Variants in POU2F2 observed in about 807,000 individuals in gnomAD.
POU2F2 encodes POU class 2 homeobox 2, also known as POU domain, class 2, transcription factor 2.
POU2F2 carries 14 observed loss-of-function variants against 63.5 expected under a neutral mutation model. That is an observed-to-expected ratio of 0.22 (90% confidence interval 0.15 to 0.34). The LOEUF is 0.34. Ranked by LOEUF, POU2F2 falls within the 10% of genes least tolerant of loss-of-function variation. The pLI is 1.00. For missense variants in POU2F2, 607 were observed against 815.2 expected, an observed-to-expected ratio of 0.74 and a Z score of 3.11; for synonymous variants, 306 against 348.6, an observed-to-expected ratio of 0.88 and a Z score of 1.36.
Position 42,091,362 on chromosome 19 carries a change from G to A in POU2F2, c.1770C>T (p.Ser590=), listed in dbSNP as rs2076706090. 3 of 1,538,796 alleles carry A rather than the reference G, an allele frequency of 1.9e-6. No individual in the cohort carries two copies. Among genetic ancestry groups the A allele is most frequent in the Non-Finnish European group, 2.6e-6 (3 of 1,146,652 alleles). The change falls in exon 15 of 15, where the codon TCC becomes TCT. Residue 590 remains serine, a synonymous_variant. Coordinates refer to ENST00000692977, the MANE Select transcript of POU2F2 (RefSeq NM_001394376.1). ...SISSKSPGLS[S]SSSSSSSSSS... ...AGGAGGATGAGGATGAAGAGGATGA[G>A]GAGGAGAGGCCAGGAGACTTGCTGG... is the stretch of plus-strand genomic sequence containing the variant.
Position 42,165,729 on chromosome 19 carries a change from A to C in POU2F2, c.-69-5337T>G, listed in dbSNP as rs543297640. ...GCTGCCTCATTTTGCTGGTGTGAGA[A>C]GCCAACAAGACCGTGCTTATAGGGA... On this transcript the variant is annotated intron_variant, in intron 1 of 6. Transcript: ENST00000524801. Among the ~76,000 whole-genome samples the C allele has an allele frequency of 2.0e-5, 3 of 152,202 alleles. No homozygotes were observed. In the South Asian group the frequency reaches 6.2e-4, roughly 32 times the overall value.
chr19:42,095,484 G>T lies in POU2F2; in HGVS notation c.1021-22C>A. The T allele has an allele frequency of 6.2e-7, 1 of 1,608,760 alleles. No individual in the cohort carries two copies. The highest frequency in any genetic ancestry group is 2.2e-5 in the East Asian group (1 of 44,824). Reference sequence around the variant, plus strand: ...GGTTCTGCAGGCAGAGGGCTCGTTAGCCCGAGGCCCACCGCCCGCCACCCC... The same window carrying T: ...GGTTCTGCAGGCAGAGGGCTCGTTATCCCGAGGCCCACCGCCCGCCACCCC... On this transcript the variant is annotated intron_variant, in intron 10 of 14. Coordinates refer to ENST00000692977, the MANE Select transcript of POU2F2 (RefSeq NM_001394376.1). This position sits in a 1 kb window ranked among gnomAD's most constrained non-coding sequence, Gnocchi z 7.1.
upstream of POU2F2, among the ~76,000 whole-genome samples, chr19:42,180,914 G>C (rs2034953213): frequency 6.6e-6 from 1 of 150,678 alleles, no homozygotes; most frequent in Admixed American, 6.6e-5. Context: ...TTTTTAAGCA[G>C]AGATGAGGTC....
In POU2F2 at chr19:42,091,094, C is replaced by CTT. The variant is rs60030513; in HGVS notation, c.*161_*162dup. 633 of 360,168 alleles carry CTT rather than the reference C, an allele frequency of 1.8e-3. No homozygotes were observed. Among genetic ancestry groups the CTT allele is most frequent in the Middle Eastern group, 3.0e-3 (4 of 1,328 alleles). 22.3% of individuals were successfully genotyped at this position (360,168 alleles called of 1,614,324 possible). A position where few individuals can be genotyped will look rare whatever the true frequency, so the allele number is the denominator to read the frequency against. On this transcript the variant is annotated 3_prime_UTR_variant, in exon 15 of 15. Coordinates refer to ENST00000692977, the MANE Select transcript of POU2F2 (RefSeq NM_001394376.1). ...TCTCTTTTGTTGGTTAGTTTCTTTC[C>CTT]TTTTTTTTTTTTTTTTTGGTTGGTT...
At chr19:42,140,745 C>T (rs966405932) in intron 2 of POU2F2, among the ~76,000 whole-genome samples, 1 of 152,198 alleles carries the variant, frequency 6.6e-6, no homozygotes, top group East Asian at 1.9e-4. Flanking sequence ...AGACAGGTGT[C>T]CTTTTCTGTC....
At chr19:42,127,288 A>T (rs1338893654) in intron 1 of POU2F2, among the ~76,000 whole-genome samples, 1 of 151,926 alleles carries the variant, frequency 6.6e-6, no homozygotes, top group Non-Finnish European at 1.5e-5. Flanking sequence ...AGGCCTTGGC[A>T]TGGGCTGTTC....
At chr19:42,158,775 ATAAT>A (rs1356356969) in intron 2 of POU2F2, among the ~76,000 whole-genome samples, 1 of 152,250 alleles carries the variant, frequency 6.6e-6, no homozygotes, top group Non-Finnish European at 1.5e-5. Context: ...AACTGGAAAC[ATAAT>A]TAAACCCCTC....
chr19:42,163,858 G>A (rs955169028), intron 1 of POU2F2, among the ~76,000 whole-genome samples: 1 of 152,186 alleles, frequency 6.6e-6, no homozygotes, highest in African/African-American at 2.4e-5. Context: ...AAGAAGGACT[G>A]TAGAGTTGTT....
chr19:42,187,900 C>G (rs2035030893), intron 1 of POU2F2, among the ~76,000 whole-genome samples: 2 of 151,976 alleles, frequency 1.3e-5, no homozygotes, highest in South Asian at 4.1e-4. Context: ...CTAAGAGGTC[C>G]CAGTGACCCC....
At position 42,144,283 on chromosome 19, in the gene POU2F2, C is replaced by A. The variant is rs577025910; in HGVS notation, c.-9+16049G>T. ...ACTGCTGTGTCTCCAGCACCTGCAACCCAGGAGGTGCTTGGTATTGATTTA... is the reference window on the plus strand; with the variant it reads ...ACTGCTGTGTCTCCAGCACCTGCAAACCAGGAGGTGCTTGGTATTGATTTA... On this transcript the variant is annotated intron_variant, in intron 2 of 6. Transcript: ENST00000524801. Among the ~76,000 whole-genome samples the A allele has an allele frequency of 3.3e-5, 5 of 152,334 alleles. No individual in the cohort carries two copies. In the East Asian group the frequency reaches 9.6e-4, roughly 29 times the overall value.
intron 1 of POU2F2, among the ~76,000 whole-genome samples, chr19:42,175,224 C>T (rs777907374): frequency 1.3e-5 from 2 of 152,164 alleles, no homozygotes; most frequent in Non-Finnish European, 2.9e-5. Context: ...GGGGGTGGCA[C>T]TAGAACCCAG....
chr19:42,106,014 T>TC (rs1220446019), intron 5 of POU2F2, among the ~76,000 whole-genome samples: 4 of 146,150 alleles, frequency 2.7e-5, no homozygotes, highest in African/African-American at 1.1e-4. Context: ...TTTCTTTCTT[T>TC]CTTTCTTTCT....
At chr19:42,163,969 A>T (rs1047579646) in intron 1 of POU2F2, among the ~76,000 whole-genome samples, 2 of 152,194 alleles carry the variant, frequency 1.3e-5, no homozygotes, top group Non-Finnish European at 2.9e-5. Context: ...TGTTGTTAGG[A>T]AGAAGAAAAG....
At chr19:42,154,351 G>GA (rs1330054819) in intron 2 of POU2F2, among the ~76,000 whole-genome samples, 1 of 152,006 alleles carries the variant, frequency 6.6e-6, no homozygotes, top group East Asian at 1.9e-4. Flanking sequence ...GAAGATGAAA[G>GA]AGACTGGAAG....
intron 1 of POU2F2, among the ~76,000 whole-genome samples, chr19:42,195,326 T>TTTGC (rs1377346418): frequency 2.5e-4 from 36 of 146,592 alleles, no homozygotes; most frequent in African/African-American, 8.8e-4. Flanking sequence ...CCCTCCCTCT[T>TTTGC]TTTCTTTTTT....
chr19:42,099,609 G>C lies in POU2F2; in HGVS notation c.485C>G (p.Pro162Arg). 6.2e-7 allele frequency: 1 copy of C among 1,613,770 alleles called. No homozygotes were observed. Among genetic ancestry groups the C allele is most frequent in the Non-Finnish European group, 8.5e-7 (1 of 1,179,706 alleles). The part of the protein sequence containing the change: ...QAQQSQPGLL[P>R]TPNLFQLPQQ... Reference sequence around the variant, plus strand: ...AGGTAGCTGGAATAGATTTGGTGTCGGTAGCAGGCCTGGAAAGACAAGGGG... The same window carrying C: ...AGGTAGCTGGAATAGATTTGGTGTCCGTAGCAGGCCTGGAAAGACAAGGGG... The change falls in exon 7 of 15, where the codon CCG becomes CGG. Residue 162 changes from proline to arginine, a missense_variant. By Grantham distance (103) the Pro-to-Arg change is moderately radical. Transcript: ENST00000692977.
chr19:42,174,415 G>A lies in POU2F2; in HGVS notation c.-70+1548C>T, dbSNP rs561135324. Among the ~76,000 whole-genome samples, 21 of 152,304 alleles carry A rather than the reference G, an allele frequency of 1.4e-4. No homozygotes were observed. In the South Asian group the frequency reaches 2.3e-3, roughly 17 times the overall value. ...ACTCGGCACATGGGCCTGCACACGC[G>A]TGGACGGCTTCCACGCACAGAGCCA... On this transcript the variant is annotated intron_variant, in intron 1 of 6. Transcript: ENST00000524801.
At chr19:42,137,805 A>C (rs1162054411) in intron 2 of POU2F2, among the ~76,000 whole-genome samples, 1 of 152,204 alleles carries the variant, frequency 6.6e-6, no homozygotes, top group Non-Finnish European at 1.5e-5. Context: ...TTTACATAGC[A>C]ATTAGACACA....
chr19:42,171,050 C>T (rs2034754159), intron 1 of POU2F2, among the ~76,000 whole-genome samples: 3 of 152,264 alleles, frequency 2.0e-5, no homozygotes. Context: ...CAATGGAACC[C>T]TTTTGGAGTC....
Sources: allele counts gnomAD v4.1 joint callset (sites outside exome capture counted in the v4.1 genomes callset), GRCh38; gene constraint gnomAD v4.1.1; non-coding constraint Gnocchi (gnomAD v3.1); transcripts MANE v1.5; gene names NCBI Gene and HGNC (gene_info 2026-07-23, HGNC 2026-07-21).